YTHDC2: variants seen among roughly 807,000 people sequenced by gnomAD.
YTHDC2 encodes YTH N6-methyladenosine RNA binding protein C2, also known as 3'-5' RNA helicase YTHDC2.
Under a neutral mutation model 174.9 loss-of-function variants are expected in YTHDC2, and 45 were observed. The observed-to-expected ratio is 0.26, with a 90% CI of 0.20 to 0.33. The LOEUF is 0.33. Among genes scored for constraint, YTHDC2 ranks in the 10% least tolerant of loss-of-function variants. YTHDC2 has a pLI of 1.00. For missense variants in YTHDC2, 1,650 were observed against 1,723.7 expected (o/e 0.96, Z 0.76); for synonymous variants, 657 against 574.5 (o/e 1.14, Z -2.05).
At chr5:113,552,082 A>T (rs1776285780) in intron 12 of YTHDC2, among the ~76,000 whole-genome samples, 1 of 152,174 alleles carries the variant, frequency 6.6e-6, no homozygotes. Flanking sequence ...TGAACTATAC[A>T]TCAGAATATT....
At chr5:113,593,167 A>G (rs1243076984) in intron 28 of YTHDC2, 136 bp from the exon 29 acceptor site, 4 of 616,016 alleles carry the variant, frequency 6.5e-6, no homozygotes, top group African/African-American at 5.6e-5. Flanking sequence ...AATTCATACC[A>G]GATGATTTTA....
intron 2 of YTHDC2, among the ~76,000 whole-genome samples, chr5:113,517,386 T>A (rs1037195937): frequency 6.6e-6 from 1 of 152,218 alleles, no homozygotes; most frequent in African/African-American, 2.4e-5. Flanking sequence ...TATGGTTACA[T>A]GGGTCTTGCA....
intron 20 of YTHDC2, among the ~76,000 whole-genome samples, chr5:113,565,251 A>G (rs1251099403): frequency 6.6e-6 from 1 of 152,194 alleles, no homozygotes; most frequent in Non-Finnish European, 1.5e-5. Flanking sequence ...ACTCATTGTT[A>G]TTAATTGGGT....
chr5:113,522,667 C>G (rs1441883308), intron 2 of YTHDC2, among the ~76,000 whole-genome samples: 1 of 152,094 alleles, frequency 6.6e-6, no homozygotes, highest in African/African-American at 2.4e-5. Context: ...GGAATGAAAG[C>G]ATAATAAGGA....
At chr5:113,547,781 T>C (rs1580546305) in intron 10 of YTHDC2, among the ~76,000 whole-genome samples, 1 of 152,302 alleles carries the variant, frequency 6.6e-6, no homozygotes, top group Non-Finnish European at 1.5e-5. Context: ...TAGAAGATAA[T>C]TGGGTATACA....
At chr5:113,585,148 T>G (rs1353469774) in intron 26 of YTHDC2, among the ~76,000 whole-genome samples, 1 of 151,932 alleles carries the variant, frequency 6.6e-6, no homozygotes, top group East Asian at 1.9e-4. Context: ...AATTTCAGAA[T>G]CGAAAACAGT....
chr5:113,519,468 A>G (rs969104098), intron 2 of YTHDC2, among the ~76,000 whole-genome samples: 2 of 152,222 alleles, frequency 1.3e-5, no homozygotes, highest in African/African-American at 2.4e-5. Flanking sequence ...AAGTTAGACA[A>G]AAATGGATTT....
intron 12 of YTHDC2, among the ~76,000 whole-genome samples, chr5:113,552,447 T>A (rs577311122): frequency 1.3e-5 from 2 of 152,272 alleles, no homozygotes; most frequent in Non-Finnish European, 2.9e-5. Flanking sequence ...TCATGTGATA[T>A]GTGGTTTTTG....
At chr5:113,528,044 A>G (rs867558307) in intron 4 of YTHDC2, among the ~76,000 whole-genome samples, 2 of 152,186 alleles carry the variant, frequency 1.3e-5, no homozygotes, top group African/African-American at 4.8e-5. Flanking sequence ...TAATTTTTTT[A>G]GGGTGAGTAA....
chr5:113,543,849 C>T (rs1775651742), intron 10 of YTHDC2, among the ~76,000 whole-genome samples: 1 of 152,218 alleles, frequency 6.6e-6, no homozygotes. Flanking sequence ...AATACTATCT[C>T]CACTGGTAAT....
intron 3 of YTHDC2, 53 bp downstream of exon 3, chr5:113,525,230 C>A: frequency 7.3e-7 from 1 of 1,365,272 alleles, no homozygotes; most frequent in South Asian, 1.6e-5. Flanking sequence ...GATGACTGTT[C>A]TTTTTCCATT....
rs1225704212 is a variant in YTHDC2 at position 113,564,068 on chromosome 5, T to C, written c.2652T>C (p.Leu884=). 6.2e-7 allele frequency: 1 copy of C among 1,614,138 alleles called. No individual in the cohort carries two copies. The highest frequency in any genetic ancestry group is 1.3e-5 in the African/African-American group (1 of 75,056). ...TQASQKRAAM[L]CRKRFTAGAF... ...CCTCTCAAAAACGTGCAGCTATGCT[T>C]TGTAGGAAACGTTTTACTGCAGGAG... The change falls in exon 20 of 30, where the codon CTT becomes CTC. Residue 884 remains leucine (L), a synonymous_variant. Coordinates refer to ENST00000161863, the MANE Select transcript of YTHDC2 (RefSeq NM_022828.5).
intron 2 of YTHDC2, among the ~76,000 whole-genome samples, chr5:113,516,723 C>T (rs1041592709): frequency 6.6e-6 from 1 of 151,626 alleles, no homozygotes; most frequent in Admixed American, 6.6e-5. Flanking sequence ...TTCAGCTTAC[C>T]GGTATGTTTT....
At chr5:113,519,736 C>T (rs1410509578) in intron 2 of YTHDC2, among the ~76,000 whole-genome samples, 1 of 152,074 alleles carries the variant, frequency 6.6e-6, no homozygotes. Flanking sequence ...TATACTTGTG[C>T]TAGGTGCTTT....
At chr5:113,563,278 C>A in intron 18 of YTHDC2, 95 bp from the exon 19 acceptor site, 1 of 1,051,892 alleles carries the variant, frequency 9.5e-7, no homozygotes, top group Non-Finnish European at 1.3e-6. Flanking sequence ...CTCTACTAGT[C>A]TGTGTTTGGG....
At chr5:113,571,628 CT>C (rs1777724817) in intron 23 of YTHDC2, among the ~76,000 whole-genome samples, 1 of 152,038 alleles carries the variant, frequency 6.6e-6, no homozygotes, top group East Asian at 1.9e-4. Flanking sequence ...TTGGTAGGCT[CT>C]TTATTACTGC....
chr5:113,528,633 C>G (rs1432568907), intron 4 of YTHDC2, among the ~76,000 whole-genome samples: 1 of 152,082 alleles, frequency 6.6e-6, no homozygotes, highest in Non-Finnish European at 1.5e-5. Context: ...CTCTGCCTCC[C>G]AAGTAGCTAG....
At chr5:113,559,574 A>G (rs1776825450) in intron 17 of YTHDC2, among the ~76,000 whole-genome samples, 1 of 152,208 alleles carries the variant, frequency 6.6e-6, no homozygotes, top group Non-Finnish European at 1.5e-5. Context: ...CCCTAGTTGA[A>G]GAGGACCAAC....
rs970880035 is a variant in YTHDC2 at position 113,541,203 on chromosome 5, T to C, written c.1359+87T>C. The C allele has an allele frequency of 3.4e-5, 51 of 1,496,326 alleles. No individual in the cohort carries two copies. The African/African-American group carries it at 6.6e-4, about 19-fold the overall frequency. 92.7% of individuals were successfully genotyped at this position (1,496,326 alleles called of 1,614,324 possible). On this transcript the variant is annotated intron_variant, in intron 9 of 29. Coordinates refer to ENST00000161863, the MANE Select transcript of YTHDC2 (RefSeq NM_022828.5). ...TTTATGAGCTTATAATTTTTTTTTT[T>C]TTTTTTGAGATGGAGTCTGGCTCTG...
Sources: allele counts gnomAD v4.1 joint callset (sites outside exome capture counted in the v4.1 genomes callset), GRCh38; gene constraint gnomAD v4.1.1; transcripts MANE v1.5; gene names NCBI Gene and HGNC (gene_info 2026-07-23, HGNC 2026-07-21).